The following MACROD2 variants were observed in gnomAD, a reference collection of about 807,000 sequenced individuals.
The protein encoded by MACROD2 is mono-ADP ribosylhydrolase 2.
In MACROD2, 36 loss-of-function variants were observed where a neutral mutation model predicts 70.4. The ratio of observed to expected loss-of-function variants is 0.51; its 90% confidence interval spans 0.39 to 0.68. The LOEUF (loss-of-function observed/expected upper bound fraction) is 0.68, where lower values mean the gene tolerates loss of function less well. Among genes scored for constraint, MACROD2 ranks in the 30% least tolerant of loss-of-function variants. The pLI is 0.00. For missense variants in MACROD2, 496 were observed against 538.4 expected (o/e 0.92, Z 0.78); for synonymous variants, 172 against 178.8 (o/e 0.96, Z 0.30).
intron 5 of MACROD2, among the ~76,000 whole-genome samples, chr20:15,129,004 T>C (rs906381683): frequency 3.9e-5 from 6 of 152,044 alleles, no homozygotes; most frequent in African/African-American, 1.2e-4. Flanking sequence ...GTGGAGAATA[T>C]ATAACCTTCT....
intron 5 of MACROD2, among the ~76,000 whole-genome samples, chr20:15,210,289 A>T (rs1030458632): frequency 6.6e-6 from 1 of 152,240 alleles, no homozygotes; most frequent in Non-Finnish European, 1.5e-5. Flanking sequence ...GGATTTGTCC[A>T]GTGGGACTCC....
At chr20:15,105,265 G>A (rs2075902300) in intron 5 of MACROD2, among the ~76,000 whole-genome samples, 1 of 151,998 alleles carries the variant, frequency 6.6e-6, no homozygotes, top group Non-Finnish European at 1.5e-5. Context: ...CCTTTATGGT[G>A]ACAAGACAGC....
chr20:14,558,115 A>T (rs1979171550), intron 4 of MACROD2, among the ~76,000 whole-genome samples: 1 of 151,810 alleles, frequency 6.6e-6, no homozygotes, highest in Non-Finnish European at 1.5e-5. Flanking sequence ...GTCATAAAAG[A>T]CTACATATTG....
chr20:15,202,394 G>C (rs2076663980), intron 5 of MACROD2, among the ~76,000 whole-genome samples: 1 of 152,158 alleles, frequency 6.6e-6, no homozygotes, highest in Non-Finnish European at 1.5e-5. Flanking sequence ...GAAAAGAGCA[G>C]ATTGTCTCTT....
intron 8 of MACROD2, among the ~76,000 whole-genome samples, chr20:15,728,698 A>G (rs1244469169): frequency 6.6e-6 from 1 of 152,104 alleles, no homozygotes; most frequent in African/African-American, 2.4e-5. Context: ...AGGTGTTTGT[A>G]GTCATCTCTG....
intron 6 of MACROD2, among the ~76,000 whole-genome samples, chr20:15,266,268 C>T (rs1232333428): frequency 1.3e-5 from 2 of 152,118 alleles, no homozygotes; most frequent in Non-Finnish European, 2.9e-5. Flanking sequence ...TTTTTTAAAT[C>T]AGAGCAATGG....
intron 8 of MACROD2, among the ~76,000 whole-genome samples, chr20:15,839,766 TTCATATGTCTATATATCA>T (rs1481274623): frequency 1.3e-5 from 2 of 152,136 alleles, no homozygotes; most frequent in Non-Finnish European, 2.9e-5. Flanking sequence ...ATGTGTGTAG[TTCATATGTCTATATATCA>T]TCATTGTGAG....
At chr20:15,796,377 C>T (rs1027133194) in intron 8 of MACROD2, among the ~76,000 whole-genome samples, 2 of 152,182 alleles carry the variant, frequency 1.3e-5, no homozygotes, top group Admixed American at 6.5e-5. Context: ...TTTCCTACCA[C>T]ACACACACAA....
At chr20:15,709,685 A>G (rs965400667) in intron 8 of MACROD2, among the ~76,000 whole-genome samples, 2 of 152,068 alleles carry the variant, frequency 1.3e-5, no homozygotes, top group African/African-American at 4.8e-5. Flanking sequence ...AAAACAAAAT[A>G]TATTATAATA....
intron 3 of MACROD2, among the ~76,000 whole-genome samples, chr20:14,133,847 T>A (rs1601260821): frequency 6.6e-6 from 1 of 152,196 alleles, no homozygotes; most frequent in East Asian, 1.9e-4. Context: ...CTTCAGGGAC[T>A]CTCTCAGCTG....
At chr20:14,738,708 A>G (rs1162071992) in intron 5 of MACROD2, among the ~76,000 whole-genome samples, 2 of 151,768 alleles carry the variant, frequency 1.3e-5, no homozygotes, top group Non-Finnish European at 2.9e-5. Flanking sequence ...CATATAATCT[A>G]TAGATTATAT....
intron 8 of MACROD2, among the ~76,000 whole-genome samples, chr20:15,562,655 A>T (rs2048259834): frequency 6.6e-6 from 1 of 152,198 alleles, no homozygotes; most frequent in Admixed American, 6.5e-5. Context: ...GAAGTCTTTA[A>T]TCATTGGGAT....
chr20:14,207,586 G>T (rs1229254363), intron 3 of MACROD2, among the ~76,000 whole-genome samples: 1 of 152,162 alleles, frequency 6.6e-6, no homozygotes, highest in Non-Finnish European at 1.5e-5. Context: ...AGAATTCTGT[G>T]AGGAATTCCT....
At chr20:15,771,406 T>A (rs570917218) in intron 8 of MACROD2, among the ~76,000 whole-genome samples, 4 of 151,080 alleles carry the variant, frequency 2.6e-5, no homozygotes, top group African/African-American at 9.8e-5. Context: ...TGGTCTCAAA[T>A]TCCTGGGCTC....
chr20:15,171,494 A>G (rs943540728), intron 5 of MACROD2, among the ~76,000 whole-genome samples: 1 of 150,784 alleles, frequency 6.6e-6, no homozygotes, highest in African/African-American at 2.4e-5. Flanking sequence ...AGTCACTTTT[A>G]CATAGTAACA....
chr20:15,567,397 G>C (rs1225125006), intron 8 of MACROD2, among the ~76,000 whole-genome samples: 1 of 152,176 alleles, frequency 6.6e-6, no homozygotes, highest in Non-Finnish European at 1.5e-5. Flanking sequence ...ATAAAGCCAC[G>C]GATGTGGCCT....
At chr20:14,406,809 A>G (rs534053611) in intron 3 of MACROD2, among the ~76,000 whole-genome samples, 1 of 152,146 alleles carries the variant, frequency 6.6e-6, no homozygotes, top group Non-Finnish European at 1.5e-5. Flanking sequence ...TCAGCATATC[A>G]CATATTAATC....
At chr20:15,069,986 G>C (rs550390147) in intron 5 of MACROD2, among the ~76,000 whole-genome samples, 4 of 152,248 alleles carry the variant, frequency 2.6e-5, no homozygotes, top group African/African-American at 9.6e-5. Flanking sequence ...CCTTGAGCCT[G>C]GAAAAGCCAC....
At chr20:14,047,185 G>T (rs555422382) in intron 2 of MACROD2, among the ~76,000 whole-genome samples, 1 of 152,202 alleles carries the variant, frequency 6.6e-6, no homozygotes, top group East Asian at 1.9e-4. Context: ...GGTGGCTCAT[G>T]CCTGTAATCC....
Sources: gnomAD v4.1 joint callset for allele counts (sites outside exome capture counted in the v4.1 genomes callset) on GRCh38, gnomAD v4.1.1 for gene constraint, MANE v1.5 for transcripts, NCBI Gene and HGNC (gene_info 2026-07-23, HGNC 2026-07-21) for gene names.